Variants in TAS2R1 observed in about 807,000 individuals in gnomAD.
TAS2R1 encodes the protein taste 2 receptor member 1, also known as taste receptor type 2 member 1.
For synonymous variants in TAS2R1, 141 were observed against 134.2 expected, an observed-to-expected ratio of 1.05 and a Z score of -0.35; for missense variants, 370 against 353.4, an observed-to-expected ratio of 1.05 and a Z score of -0.38.
At chr5:9,764,215 T>A in the TAS2R1 span, among the ~76,000 whole-genome samples, 1 of 152,218 alleles carries the variant, frequency 6.6e-6, no homozygotes, top group Non-Finnish European at 1.5e-5. Context: ...AAAGGTTATA[T>A]CACTTCTTCA....
chr5:9,860,656 G>A, the TAS2R1 span, among the ~76,000 whole-genome samples: 6 of 152,148 alleles, frequency 3.9e-5, no homozygotes, highest in East Asian at 9.6e-4. Context: ...CTGATACTGC[G>A]GAAGGAGAGA....
At chr5:9,696,280 T>G (rs1199618167) in intron 1 of TAS2R1, among the ~76,000 whole-genome samples, 3 of 151,934 alleles carry the variant, frequency 2.0e-5, no homozygotes, top group Non-Finnish European at 4.4e-5. Context: ...AAACATGAGA[T>G]CTGATGCGGT....
the TAS2R1 span, among the ~76,000 whole-genome samples, chr5:9,861,361 A>G: frequency 6.6e-6 from 1 of 152,174 alleles, no homozygotes; most frequent in Non-Finnish European, 1.5e-5. Flanking sequence ...CTGTGTCACC[A>G]TTAGAACATA....
At chr5:9,889,227 G>T in the TAS2R1 span, among the ~76,000 whole-genome samples, 5 of 152,124 alleles carry the variant, frequency 3.3e-5, no homozygotes, top group African/African-American at 1.2e-4. Flanking sequence ...TACTCTGAGT[G>T]CCCCCATCTG....
the TAS2R1 span, among the ~76,000 whole-genome samples, chr5:9,795,394 G>T: frequency 6.6e-6 from 1 of 151,956 alleles, no homozygotes; most frequent in Non-Finnish European, 1.5e-5. Context: ...ACACAAAAAG[G>T]GCCCAGCACC....
chr5:9,643,543 C>T (rs1740127415), intron 2 of TAS2R1, among the ~76,000 whole-genome samples: 1 of 152,116 alleles, frequency 6.6e-6, no homozygotes, highest in South Asian at 2.1e-4. Flanking sequence ...CATTACCCTA[C>T]TATACACTTT....
chr5:9,648,179 A>G (rs776744131), intron 2 of TAS2R1, among the ~76,000 whole-genome samples: 2 of 152,158 alleles, frequency 1.3e-5, no homozygotes, highest in Non-Finnish European at 2.9e-5. Context: ...TCAACATGCA[A>G]GAGAAAAATG....
At chr5:9,767,864 C>T in the TAS2R1 span, among the ~76,000 whole-genome samples, 89 of 136,710 alleles carry the variant, frequency 6.5e-4, no homozygotes, top group African/African-American at 2.3e-3. Flanking sequence ...GCAGAGGTTG[C>T]AGTGAGCTGA....
At chr5:9,636,357 C>G (rs1053908583) in intron 2 of TAS2R1, among the ~76,000 whole-genome samples, 2 of 152,060 alleles carry the variant, frequency 1.3e-5, no homozygotes, top group Admixed American at 6.5e-5. Context: ...TGTGACCCAT[C>G]ATATGGTCTA....
At chr5:9,796,480 G>A in the TAS2R1 span, among the ~76,000 whole-genome samples, 4 of 152,042 alleles carry the variant, frequency 2.6e-5, no homozygotes, top group Non-Finnish European at 5.9e-5. Flanking sequence ...TTTGAGTAAG[G>A]TGAACAACTG....
the TAS2R1 span, among the ~76,000 whole-genome samples, chr5:9,767,322 G>C: frequency 6.6e-6 from 1 of 151,934 alleles, no homozygotes; most frequent in East Asian, 1.9e-4. Context: ...CTCCTTGCCA[G>C]CTCTCCTACT....
chr5:9,720,740 A>G, the TAS2R1 span, among the ~76,000 whole-genome samples: 1 of 152,208 alleles, frequency 6.6e-6, no homozygotes, highest in African/African-American at 2.4e-5. Flanking sequence ...ACAAGGACAG[A>G]TGAGAGGGAA....
chr5:9,844,564 G>A, the TAS2R1 span, among the ~76,000 whole-genome samples: 10 of 152,246 alleles, frequency 6.6e-5, no homozygotes, highest in Admixed American at 5.9e-4. Flanking sequence ...CATCTTGTTT[G>A]TAATTTCATA....
the TAS2R1 span, among the ~76,000 whole-genome samples, chr5:9,739,826 A>C: frequency 1.3e-5 from 2 of 152,252 alleles, no homozygotes; most frequent in Non-Finnish European, 2.9e-5. Context: ...TCTCTAAATC[A>C]GGATGAGTCT....
At chr5:9,655,901 A>G (rs1295125191) in intron 2 of TAS2R1, among the ~76,000 whole-genome samples, 2 of 147,982 alleles carry the variant, frequency 1.4e-5, no homozygotes, top group Non-Finnish European at 3.0e-5. Context: ...TTTCAGAACC[A>G]CTGATTCTCA....
the TAS2R1 span, among the ~76,000 whole-genome samples, chr5:9,837,811 C>T: frequency 1.3e-5 from 2 of 152,232 alleles, no homozygotes; most frequent in South Asian, 4.1e-4. Flanking sequence ...ATTATTGCAG[C>T]ATCTGGGATG....
chr5:9,794,816 C>T, the TAS2R1 span, among the ~76,000 whole-genome samples: 1 of 152,166 alleles, frequency 6.6e-6, no homozygotes, highest in Non-Finnish European at 1.5e-5. Context: ...AATATTGCAG[C>T]TAAGTTTAGA....
upstream of TAS2R1, among the ~76,000 whole-genome samples, chr5:9,713,370 A>G (rs966429417): frequency 6.6e-6 from 1 of 152,196 alleles, no homozygotes; most frequent in African/African-American, 2.4e-5. Flanking sequence ...AGGGGGAAAC[A>G]GAAGGATTTT....
chr5:9,662,341 G>C (rs1320782176), intron 1 of TAS2R1, among the ~76,000 whole-genome samples: 1 of 152,160 alleles, frequency 6.6e-6, no homozygotes, highest in Non-Finnish European at 1.5e-5. Flanking sequence ...TTCACTGGGG[G>C]CTCTGCTGCC....
Sources: allele counts gnomAD v4.1 joint callset (sites outside exome capture counted in the v4.1 genomes callset), GRCh38; gene constraint gnomAD v4.1.1; transcripts MANE v1.5; gene names NCBI Gene and HGNC (gene_info 2026-07-23, HGNC 2026-07-21).